The following SLC7A14 variants were observed in gnomAD, a reference collection of about 807,000 sequenced individuals.
SLC7A14 encodes gamma-aminobutyric acid transporter SLC7A14.
Under a neutral mutation model 60.2 loss-of-function variants are expected in SLC7A14, and 37 were observed. The ratio of observed to expected loss-of-function variants is 0.61; its 90% CI spans 0.47 to 0.81. SLC7A14 has a LOEUF of 0.81. Among genes scored for constraint, SLC7A14 ranks in the 30% least tolerant of loss-of-function variants. The pLI, the probability that SLC7A14 is intolerant of heterozygous loss-of-function variation, is 0.00. For missense variants in SLC7A14, 886 were observed against 982.7 expected, an observed-to-expected ratio of 0.90 and a Z score of 1.32; for synonymous variants, 399 against 395.8, an observed-to-expected ratio of 1.01 and a Z score of -0.10.
At chr3:170,563,480 C>T (rs1348782961) in intron 1 of SLC7A14, among the ~76,000 whole-genome samples, 3 of 143,278 alleles carry the variant, frequency 2.1e-5, no homozygotes, top group Non-Finnish European at 4.5e-5. Flanking sequence ...TGCAATGGTG[C>T]GATCTCGGCT....
chr3:170,584,303 G>A (rs188269607), intron 1 of SLC7A14, among the ~76,000 whole-genome samples: 159 of 152,236 alleles, frequency 1.0e-3, no homozygotes, highest in African/African-American at 3.7e-3. Flanking sequence ...CTAAGAAGAG[G>A]AAAAAGCTAC....
chr3:170,495,619 T>A (rs976362418), intron 4 of SLC7A14: 16 of 790,846 alleles, frequency 2.0e-5, no homozygotes, highest in Non-Finnish European at 3.7e-5. Context: ...GCCAGCGGCA[T>A]AGGAGGCATC....
At chr3:170,507,843 T>A (rs1712829384) in intron 2 of SLC7A14, among the ~76,000 whole-genome samples, 1 of 152,220 alleles carries the variant, frequency 6.6e-6, no homozygotes, top group African/African-American at 2.4e-5. Flanking sequence ...GAACCGAGGC[T>A]GGTCTGCTCA....
chr3:170,521,527 G>A (rs1713338461), intron 2 of SLC7A14, among the ~76,000 whole-genome samples: 2 of 152,202 alleles, frequency 1.3e-5, no homozygotes, highest in African/African-American at 2.4e-5. Flanking sequence ...CCACAAACTG[G>A]AGAAAGTATT....
intron 2 of SLC7A14, among the ~76,000 whole-genome samples, chr3:170,507,916 G>A (rs1168811883): frequency 6.6e-6 from 1 of 152,198 alleles, no homozygotes; most frequent in Non-Finnish European, 1.5e-5. Flanking sequence ...CCCCAGGGCT[G>A]TACTGAGCAT....
At chr3:170,514,319 T>G (rs778138586) in intron 2 of SLC7A14, among the ~76,000 whole-genome samples, 18 of 152,230 alleles carry the variant, frequency 1.2e-4, no homozygotes, top group Non-Finnish European at 7.3e-5. Context: ...ATAACTCCTT[T>G]TCATGAGTTT....
chr3:170,576,579 A>G (rs1715097048), intron 1 of SLC7A14, among the ~76,000 whole-genome samples: 1 of 152,178 alleles, frequency 6.6e-6, no homozygotes, highest in South Asian at 2.1e-4. Flanking sequence ...AACAATAACT[A>G]CTACAGACCT....
intron 1 of SLC7A14, among the ~76,000 whole-genome samples, chr3:170,530,684 C>T (rs536807279): frequency 6.6e-6 from 1 of 152,198 alleles, no homozygotes; most frequent in Non-Finnish European, 1.5e-5. Context: ...TCCTTTAAGG[C>T]AGCCCGGGAT....
At position 170,483,371 on chromosome 3, in the gene SLC7A14, G is replaced by T; in HGVS notation, c.1058C>A (p.Ser353Tyr). The T allele has an allele frequency of 3.1e-6, 5 of 1,614,168 alleles. No individual in the cohort carries two copies. Among genetic ancestry groups the T allele is most frequent in the Non-Finnish European group, 4.2e-6 (5 of 1,180,040 alleles). Residue 353 changes from serine to tyrosine, a missense_variant, in exon 6 of 8, where the codon TCC becomes TAC. Ser to Tyr is a moderately radical substitution (Grantham distance 144). Transcript: ENST00000231706. The part of the protein sequence containing the change: ...VAGLTVSLLG[S>Y]LFPMPRVIYA... ...AATGACCCTCGGCATCGGGAAGAGG[G>T]ACCCCAGCAAGCTGACTGTCAGTCC... is the stretch of plus-strand genomic sequence containing the variant.
chr3:170,573,394 A>G (rs965739614), intron 1 of SLC7A14, among the ~76,000 whole-genome samples: 2 of 152,264 alleles, frequency 1.3e-5, no homozygotes, highest in Non-Finnish European at 2.9e-5. Flanking sequence ...ATCCACAATT[A>G]AACAACTTTC....
intron 1 of SLC7A14, among the ~76,000 whole-genome samples, chr3:170,542,321 T>C (rs1714043060): frequency 6.6e-6 from 1 of 152,216 alleles, no homozygotes; most frequent in Non-Finnish European, 1.5e-5. Flanking sequence ...CAACTAATTG[T>C]GTTAATTTCA....
intron 1 of SLC7A14, among the ~76,000 whole-genome samples, chr3:170,548,452 C>T (rs1714241272): frequency 6.6e-6 from 1 of 152,256 alleles, no homozygotes; most frequent in African/African-American, 2.4e-5. Context: ...GAAGATGCCT[C>T]TACCTGTGCT....
intron 1 of SLC7A14, among the ~76,000 whole-genome samples, chr3:170,528,980 T>C (rs1216001582): frequency 6.6e-6 from 1 of 152,228 alleles, no homozygotes; most frequent in Non-Finnish European, 1.5e-5. Flanking sequence ...TGCAAAGACA[T>C]AGTCCCTGCT....
intron 1 of SLC7A14, among the ~76,000 whole-genome samples, chr3:170,576,334 A>C (rs1715090068): frequency 6.6e-6 from 1 of 152,240 alleles, no homozygotes; most frequent in South Asian, 2.1e-4. Flanking sequence ...TTCTTCAATA[A>C]ATTGCAAAGA....
At position 170,466,827 on chromosome 3, in the gene SLC7A14, A is replaced by T; in HGVS notation, c.*228T>A. The T allele has an allele frequency of 2.1e-6, 1 of 466,234 alleles. No homozygotes were observed. Among genetic ancestry groups the T allele is most frequent in the South Asian group, 3.6e-5 (1 of 27,800 alleles). The allele number at this position is 466,234 out of a possible 1,614,324, so 28.9% of individuals were successfully genotyped here. On this transcript the variant is annotated 3_prime_UTR_variant, in exon 8 of 8. Coordinates refer to ENST00000231706, the MANE Select transcript of SLC7A14 (RefSeq NM_020949.3). ...TGGAATTTCATATAGCCTCTTGTTT[A>T]TTTATTTATTTTATTTAACAAGGCG... is the stretch of plus-strand genomic sequence containing the variant.
chr3:170,525,331 C>G (rs1254277556), intron 2 of SLC7A14, among the ~76,000 whole-genome samples: 1 of 152,192 alleles, frequency 6.6e-6, no homozygotes, highest in Non-Finnish European at 1.5e-5. Context: ...GCCATTTTTA[C>G]AAAGTATCGG....
At position 170,490,333 on chromosome 3, in the gene SLC7A14, C is replaced by A. The variant is rs1389093300; in HGVS notation, c.760-3965G>T. Among the ~76,000 whole-genome samples, 4 of 151,582 alleles carry A rather than the reference C, an allele frequency of 2.6e-5. No homozygotes were observed. In the East Asian group the frequency reaches 7.8e-4, roughly 29 times the overall value. On this transcript the variant is annotated intron_variant, in intron 4 of 7. Coordinates refer to ENST00000231706, the MANE Select transcript of SLC7A14 (RefSeq NM_020949.3). ...ACATATATGTACACACATAAACATG[C>A]ACACACATGCAAATACATATAAACA...
rs1339045844 is a variant in SLC7A14, at chr3:170,530,232, T to G, written c.-152-3144A>C. Among the ~76,000 whole-genome samples, 4 of 151,984 alleles carry G rather than the reference T, an allele frequency of 2.6e-5. No homozygotes were observed. The East Asian group carries it at 5.8e-4, about 22-fold the overall frequency. The stretch of plus-strand genomic sequence containing the variant: ...TGTGGACATGGCATTGGCTCCTGAG[T>G]GGTGCAAAGAAGCCAGTTGTACCAG... On this transcript the variant is annotated intron_variant, in intron 1 of 7. Transcript: ENST00000231706.
chr3:170,484,876 C>T (rs1711968333), intron 5 of SLC7A14, among the ~76,000 whole-genome samples: 2 of 152,162 alleles, frequency 1.3e-5, no homozygotes, highest in African/African-American at 4.8e-5. Context: ...GGGATTGAGC[C>T]TCCTCCAGCT....
Sources: allele counts gnomAD v4.1 joint callset (sites outside exome capture counted in the v4.1 genomes callset), GRCh38; gene constraint gnomAD v4.1.1; transcripts MANE v1.5; gene names NCBI Gene and HGNC (gene_info 2026-07-23, HGNC 2026-07-21).